LRP1B: variants seen among roughly 807,000 people sequenced by gnomAD.
The protein encoded by LRP1B is low-density lipoprotein receptor-related protein 1B.
Under a neutral mutation model 556.6 loss-of-function variants are expected in LRP1B, and 217 were observed. The ratio of observed to expected loss-of-function variants is 0.39; its 90% CI spans 0.35 to 0.44. The LOEUF (loss-of-function observed/expected upper bound fraction) is 0.44, where lower values mean the gene tolerates loss of function less well. Ranked by LOEUF, LRP1B falls within the 20% of genes least tolerant of loss-of-function variation. The pLI is 1.00. For missense variants in LRP1B, 5,053 were observed against 5,620.8 expected (o/e 0.90, Z 3.23); for synonymous variants, 2,047 against 1,865.8 (o/e 1.10, Z -2.50).
intron 11 of LRP1B, among the ~76,000 whole-genome samples, chr2:141,045,144 A>G (rs1471751206): frequency 7.5e-6 from 1 of 132,690 alleles, no homozygotes; most frequent in Admixed American, 8.1e-5. Flanking sequence ...ATTGGAAATC[A>G]TCATTCTCAG....
intron 3 of LRP1B, among the ~76,000 whole-genome samples, chr2:141,290,969 T>C (rs2105408396): frequency 6.6e-6 from 1 of 152,272 alleles, no homozygotes; most frequent in African/African-American, 2.4e-5. Context: ...AGATATGTTA[T>C]TTTTAGCCTA....
intron 47 of LRP1B, among the ~76,000 whole-genome samples, chr2:140,526,582 T>A (rs899244391): frequency 6.6e-6 from 1 of 151,526 alleles, no homozygotes; most frequent in African/African-American, 2.4e-5. Context: ...CATATTGCAT[T>A]GCAGCTGCCT....
chr2:142,037,776 A>T (rs1574620803), intron 1 of LRP1B, among the ~76,000 whole-genome samples: 2 of 151,526 alleles, frequency 1.3e-5, no homozygotes, highest in South Asian at 4.1e-4. Flanking sequence ...TACAGGTCTA[A>T]ACGTTTATAC....
rs557653087 is a variant in LRP1B at position 140,410,214 on chromosome 2, C to CT, written c.10415-24206dup. 2.1e-3 allele frequency among the ~76,000 whole-genome samples: 314 copies of CT among 152,074 alleles called. 1 individual carries two copies. Among genetic ancestry groups the CT allele is most frequent in the Middle Eastern group, 6.8e-3 (2 of 294 alleles). On this transcript the variant is annotated intron_variant, in intron 66 of 90. Transcript: ENST00000389484. ...AATGTTAGTCTCCTTCTCCTTCTCT[C>CT]TTTTTTTAATCAATCAGCACAGAAC...
intron 2 of LRP1B, among the ~76,000 whole-genome samples, chr2:141,794,978 C>A (rs530948874): frequency 1.3e-5 from 2 of 151,930 alleles, no homozygotes; most frequent in African/African-American, 2.4e-5. Flanking sequence ...AGATTTGCCT[C>A]GTGGTGAAAA....
intron 3 of LRP1B, among the ~76,000 whole-genome samples, chr2:141,307,678 G>A (rs1439513149): frequency 1.3e-5 from 2 of 152,180 alleles, no homozygotes; most frequent in African/African-American, 4.8e-5. Flanking sequence ...ATGCATGCCA[G>A]GTGGGTCACT....
At chr2:141,780,671 C>A (rs1457822592) in intron 2 of LRP1B, among the ~76,000 whole-genome samples, 2 of 152,160 alleles carry the variant, frequency 1.3e-5, no homozygotes, top group Non-Finnish European at 2.9e-5. Flanking sequence ...CTACTACATT[C>A]ACCCTGGGGA....
At chr2:141,585,422 C>CGTGT (rs3041302) in intron 2 of LRP1B, among the ~76,000 whole-genome samples, 6,442 of 129,166 alleles carry the variant, frequency 0.05, 214 homozygotes, top group Middle Eastern at 0.09. Flanking sequence ...CTGAAATAAT[C>CGTGT]GTGTGTGTGT....
At chr2:142,011,333 A>G (rs1207193704) in intron 1 of LRP1B, among the ~76,000 whole-genome samples, 1 of 152,218 alleles carries the variant, frequency 6.6e-6, no homozygotes, top group East Asian at 1.9e-4. Context: ...GATAATATAC[A>G]TGAGCAGTTT....
At chr2:141,013,980 A>G (rs957364810) in intron 13 of LRP1B, among the ~76,000 whole-genome samples, 2 of 152,054 alleles carry the variant, frequency 1.3e-5, no homozygotes, top group African/African-American at 2.4e-5. Flanking sequence ...TTATTATTAA[A>G]CCATCTATTT....
chr2:141,116,311 T>G (rs1252270435), intron 7 of LRP1B, among the ~76,000 whole-genome samples: 1 of 152,202 alleles, frequency 6.6e-6, no homozygotes, highest in African/African-American at 2.4e-5. Context: ...GAATTAAAAT[T>G]TGTAACTGTA....
At chr2:140,271,317 G>A (rs980488913) in intron 85 of LRP1B, among the ~76,000 whole-genome samples, 1 of 151,986 alleles carries the variant, frequency 6.6e-6, no homozygotes, top group African/African-American at 2.4e-5. Flanking sequence ...TAGCTGCTAT[G>A]AAACAATCAA....
At chr2:141,030,277 A>C (rs1698329971) in intron 11 of LRP1B, among the ~76,000 whole-genome samples, 1 of 152,150 alleles carries the variant, frequency 6.6e-6, no homozygotes, top group African/African-American at 2.4e-5. Context: ...GAAAAATGTT[A>C]AACATGGCAT....
Position 140,239,517 on chromosome 2 carries a change from A to G in LRP1B, c.13340T>C (p.Ile4447Thr), listed in dbSNP as rs895238849. 2.5e-6 allele frequency: 4 copies of G among 1,602,452 alleles called. No homozygotes were observed. Among genetic ancestry groups the G allele is most frequent in the African/African-American group, 1.3e-5 (1 of 74,208 alleles). The change falls in exon 88 of 91, where the codon ATT becomes ACT. Residue 4447 changes from isoleucine (I) to threonine (T), a missense_variant. Coordinates refer to ENST00000389484, the MANE Select transcript of LRP1B (RefSeq NM_018557.3). ...AGTCACCAAGAGGACGAGAGGCACA[A>G]TGATGGCAATGCTTCCTGGAAAATA... ...DHISTRSIAI[I>T]VPLVLLVTLI...
At chr2:141,407,087 C>G (rs1159200382) in intron 3 of LRP1B, among the ~76,000 whole-genome samples, 6 of 152,056 alleles carry the variant, frequency 3.9e-5, no homozygotes, top group Admixed American at 3.9e-4. Context: ...ATTTTCTGCT[C>G]TAGCTTTTCC....
chr2:140,496,953 G>T (rs1214922203), intron 55 of LRP1B, among the ~76,000 whole-genome samples: 2 of 149,976 alleles, frequency 1.3e-5, no homozygotes, highest in Non-Finnish European at 3.0e-5. Context: ...AAAACTGATG[G>T]CAGAGCTTTG....
chr2:141,421,758 T>C (rs1284826766), intron 3 of LRP1B, among the ~76,000 whole-genome samples: 12 of 152,192 alleles, frequency 7.9e-5, no homozygotes, highest in African/African-American at 2.7e-4. Context: ...TGCACTTTTA[T>C]GCCATGTCTG....
At chr2:140,837,648 A>T (rs1691954595) in intron 31 of LRP1B, among the ~76,000 whole-genome samples, 1 of 152,204 alleles carries the variant, frequency 6.6e-6, no homozygotes, top group Admixed American at 6.5e-5. Flanking sequence ...AGGGACATGG[A>T]TGAAGCTGGA....
chr2:140,368,300 A>T (rs1423358778), intron 71 of LRP1B, among the ~76,000 whole-genome samples: 1 of 151,886 alleles, frequency 6.6e-6, no homozygotes, highest in Non-Finnish European at 1.5e-5. Flanking sequence ...ATTATAACAG[A>T]GACCTTGGAA....
Sources: allele counts gnomAD v4.1 joint callset (sites outside exome capture counted in the v4.1 genomes callset), GRCh38; gene constraint gnomAD v4.1.1; transcripts MANE v1.5; gene names NCBI Gene and HGNC (gene_info 2026-07-23, HGNC 2026-07-21).